The following CCSER1 variants were observed in gnomAD, a reference collection of about 807,000 sequenced individuals.
CCSER1 encodes coiled-coil serine rich protein 1.
Under a neutral mutation model 82.0 loss-of-function variants are expected in CCSER1, and 41 were observed. The ratio of observed to expected loss-of-function variants is 0.50; its 90% confidence interval spans 0.39 to 0.65. CCSER1 has a LOEUF of 0.65. Ranked by LOEUF, CCSER1 falls within the 30% of genes least tolerant of loss-of-function variation. CCSER1 has a pLI of 0.00. For missense variants in CCSER1, 1,119 were observed against 1,064.2 expected (o/e 1.05, Z -0.72); for synonymous variants, 414 against 383.9 (o/e 1.08, Z -0.92).
intron 9 of CCSER1, among the ~76,000 whole-genome samples, chr4:91,059,992 A>G (rs1743822251): frequency 1.3e-5 from 2 of 152,036 alleles, no homozygotes; most frequent in African/African-American, 4.8e-5. Flanking sequence ...TTCTCTTGTC[A>G]TAGGTCAGGC....
intron 7 of CCSER1, among the ~76,000 whole-genome samples, chr4:90,813,840 G>A (rs1394276513): frequency 6.6e-6 from 1 of 152,134 alleles, no homozygotes; most frequent in Admixed American, 6.5e-5. Flanking sequence ...GCTGTTGGTG[G>A]ATCTATGATT....
chr4:90,837,973 A>G (rs571847712), intron 8 of CCSER1, among the ~76,000 whole-genome samples: 10 of 152,244 alleles, frequency 6.6e-5, no homozygotes, highest in East Asian at 1.9e-4. Flanking sequence ...GAATATAGAA[A>G]TTGCATATTA....
intron 5 of CCSER1, among the ~76,000 whole-genome samples, chr4:90,543,077 A>C (rs968495698): frequency 6.6e-6 from 1 of 152,152 alleles, no homozygotes; most frequent in African/African-American, 2.4e-5. Context: ...ATGTCTGTCA[A>C]ACTAAAGTAT....
intron 6 of CCSER1, among the ~76,000 whole-genome samples, chr4:90,671,804 T>C (rs1266668685): frequency 6.6e-6 from 1 of 152,036 alleles, no homozygotes; most frequent in African/African-American, 2.4e-5. Flanking sequence ...AATGTATTTT[T>C]AAAATAATAA....
chr4:90,517,702 G>T (rs780583696), intron 5 of CCSER1, among the ~76,000 whole-genome samples: 1 of 152,002 alleles, frequency 6.6e-6, no homozygotes, highest in Non-Finnish European at 1.5e-5. Flanking sequence ...AAGAAGAAAC[G>T]ACTAAACCTT....
intron 8 of CCSER1, among the ~76,000 whole-genome samples, chr4:90,907,765 A>G (rs1365889160): frequency 6.6e-6 from 1 of 151,846 alleles, no homozygotes; most frequent in Non-Finnish European, 1.5e-5. Flanking sequence ...GTCTTATCAT[A>G]AAGTATCTTT....
chr4:90,388,726 C>T (rs1479339198), intron 3 of CCSER1, among the ~76,000 whole-genome samples: 2 of 152,022 alleles, frequency 1.3e-5, no homozygotes, highest in African/African-American at 4.8e-5. Flanking sequence ...ACCTCCATCT[C>T]CTCGGTTCAA....
chr4:90,766,762 C>T (rs746950376), intron 7 of CCSER1, among the ~76,000 whole-genome samples: 32 of 152,150 alleles, frequency 2.1e-4, no homozygotes, highest in Non-Finnish European at 4.6e-4. Context: ...TGGATTCCTT[C>T]TCTATATTCA....
chr4:90,948,348 CTT>C (rs1281659392), intron 9 of CCSER1, among the ~76,000 whole-genome samples: 5 of 151,674 alleles, frequency 3.3e-5, no homozygotes, highest in Non-Finnish European at 7.4e-5. Context: ...TTCAGGCAAT[CTT>C]TTCCAATTCA....
chr4:90,615,706 C>G (rs1721062973), intron 5 of CCSER1, among the ~76,000 whole-genome samples: 1 of 149,700 alleles, frequency 6.7e-6, no homozygotes, highest in East Asian at 2.0e-4. Context: ...GAGATAGATT[C>G]TACTCTTAGT....
At chr4:90,128,286 G>A (rs1423579816) in intron 1 of CCSER1, among the ~76,000 whole-genome samples, 1 of 152,100 alleles carries the variant, frequency 6.6e-6, no homozygotes, top group South Asian at 2.1e-4. Flanking sequence ...CGGCGAAGAG[G>A]GGGAAGGGGA....
At chr4:91,302,965 C>G (rs1744786043) in intron 10 of CCSER1, among the ~76,000 whole-genome samples, 1 of 151,988 alleles carries the variant, frequency 6.6e-6, no homozygotes, top group Non-Finnish European at 1.5e-5. Context: ...AGGACTTTTT[C>G]TGGTTTACTC....
intron 10 of CCSER1, among the ~76,000 whole-genome samples, chr4:91,210,122 A>G (rs1467894171): frequency 6.6e-6 from 1 of 151,824 alleles, no homozygotes; most frequent in Non-Finnish European, 1.5e-5. Context: ...CAGATGACCT[A>G]AAAACCTGCT....
intron 3 of CCSER1, among the ~76,000 whole-genome samples, chr4:90,360,203 C>T (rs1475230037): frequency 1.4e-5 from 2 of 147,918 alleles, no homozygotes; most frequent in Non-Finnish European, 3.0e-5. Context: ...AGGCGTGAGC[C>T]ACCGCGCCCG....
At chr4:90,881,479 T>G (rs979248331) in intron 8 of CCSER1, among the ~76,000 whole-genome samples, 1 of 152,118 alleles carries the variant, frequency 6.6e-6, no homozygotes, top group African/African-American at 2.4e-5. Context: ...GAAAAACATA[T>G]GTACACACAC....
Position 91,086,053 on chromosome 4 carries a change from G to C in CCSER1, c.2217+59G>C. ...GAGGAAACATGGCTATGGTGTTGCA[G>C]TGATGTGGTGATGGTGATTGACGAT... On this transcript the variant is annotated intron_variant, in intron 10 of 10. Transcript: ENST00000509176. 3.1e-6 allele frequency: 3 copies of C among 960,816 alleles called. 1 individual carries two copies. The highest frequency in any genetic ancestry group is 4.9e-6 in the Non-Finnish European group (3 of 618,166). The allele number at this position is 960,816 out of a possible 1,614,324, so 59.5% of individuals were successfully genotyped here.
chr4:90,128,981 GCCC>G (rs1722360116), intron 1 of CCSER1, among the ~76,000 whole-genome samples: 1 of 151,870 alleles, frequency 6.6e-6, no homozygotes, highest in Non-Finnish European at 1.5e-5. Flanking sequence ...CAGATTCTTT[GCCC>G]TTTAATGTTT....
intron 8 of CCSER1, among the ~76,000 whole-genome samples, chr4:90,857,850 A>G (rs1181054191): frequency 1.3e-5 from 2 of 152,208 alleles, no homozygotes; most frequent in African/African-American, 2.4e-5. Context: ...AGTGTATTGT[A>G]TTCAGGATTT....
At chr4:91,089,613 T>C (rs1723741864) in intron 10 of CCSER1, among the ~76,000 whole-genome samples, 1 of 152,200 alleles carries the variant, frequency 6.6e-6, no homozygotes, top group South Asian at 2.1e-4. Flanking sequence ...GCTGAAGCAT[T>C]CTGGTGAACT....
Sources: gnomAD v4.1 joint callset for allele counts (sites outside exome capture counted in the v4.1 genomes callset) on GRCh38, gnomAD v4.1.1 for gene constraint, MANE v1.5 for transcripts, NCBI Gene and HGNC (gene_info 2026-07-23, HGNC 2026-07-21) for gene names.